The following MAP1LC3B2 variants were observed in gnomAD, a reference collection of about 807,000 sequenced individuals.
MAP1LC3B2 encodes the protein microtubule-associated protein 1 light chain 3 beta 2.
For missense variants in MAP1LC3B2, 155 were observed against 154.6 expected (o/e 1.00, Z -0.01); for synonymous variants, 62 against 57.8 (o/e 1.07, Z -0.33).
intron 1 of MAP1LC3B2, among the ~76,000 whole-genome samples, chr12:116,561,294 G>C (rs1220299308): frequency 6.6e-6 from 1 of 151,728 alleles, no homozygotes; most frequent in Admixed American, 6.6e-5. Flanking sequence ...AAAAAAAAGT[G>C]TGGCAGAGGT....
At chr12:116,572,366 G>GTCCTTT (rs1869558284) in intron 1 of MAP1LC3B2, among the ~76,000 whole-genome samples, 1 of 83,274 alleles carries the variant, frequency 1.2e-5, no homozygotes, top group Non-Finnish European at 2.3e-5. Context: ...GCATGCCTCA[G>GTCCTTT]TTCTTTTTTT....
intron 1 of MAP1LC3B2, among the ~76,000 whole-genome samples, chr12:116,573,360 G>T (rs1233754283): frequency 6.6e-6 from 1 of 152,042 alleles, no homozygotes; most frequent in African/African-American, 2.4e-5. Flanking sequence ...TTCTGATAAG[G>T]CAAACGATCT....
chr12:116,561,747 CTCTGTCTCCTCA>C (rs935960168), intron 1 of MAP1LC3B2, among the ~76,000 whole-genome samples: 1 of 152,224 alleles, frequency 6.6e-6, no homozygotes, highest in African/African-American at 2.4e-5. Flanking sequence ...CTCCCTGGGC[CTCTGTCTCCTCA>C]TCTGTCCAAT....
chr12:116,572,422 C>A (rs750068616), intron 1 of MAP1LC3B2, among the ~76,000 whole-genome samples: 1 of 148,068 alleles, frequency 6.8e-6, no homozygotes, highest in Admixed American at 6.8e-5. Flanking sequence ...TGGAGTGCGG[C>A]GGCGTGATCT....
At chr12:116,566,459 T>A (rs997825785) in intron 1 of MAP1LC3B2, among the ~76,000 whole-genome samples, 1 of 152,144 alleles carries the variant, frequency 6.6e-6, no homozygotes, top group Admixed American at 6.5e-5. Flanking sequence ...CCACTCTGCC[T>A]AGAGGCTAAT....
At position 116,576,170 on chromosome 12, in the gene MAP1LC3B2, T is replaced by A; in HGVS notation, c.228T>A (p.Asn76Lys). The A allele has an allele frequency of 6.2e-7, 1 of 1,614,140 alleles. No homozygotes were observed. The highest frequency in any genetic ancestry group is 8.5e-7 in the Non-Finnish European group (1 of 1,180,016). Residue 76 changes from asparagine (N) to lysine (K), a missense_variant, in exon 2 of 2, where the codon AAT becomes AAA. Physicochemically the swap from Asn to Lys is moderately conservative, Grantham distance 94. Transcript: ENST00000556529. ...GAAGGCGCTTACAGCTCAATGCTAA[T>A]CAGGCCTTCTTCCTGTTGGTGAACG... Reference protein sequence around the residue: ...IIRRRLQLNANQAFFLLVNGH... With the variant: ...IIRRRLQLNAKQAFFLLVNGH...
At chr12:116,571,683 G>A (rs1172139213) in intron 1 of MAP1LC3B2, among the ~76,000 whole-genome samples, 9 of 151,166 alleles carry the variant, frequency 6.0e-5, no homozygotes, top group Non-Finnish European at 1.2e-4. Flanking sequence ...GGATTTCACC[G>A]TGTTAGCCAG....
intron 1 of MAP1LC3B2, among the ~76,000 whole-genome samples, chr12:116,564,225 T>G (rs190434902): frequency 6.6e-6 from 1 of 152,342 alleles, no homozygotes; most frequent in East Asian, 1.9e-4. Context: ...TTATATTGAC[T>G]GGTATTTTTC....
chr12:116,565,940 A>G (rs1256984094), intron 1 of MAP1LC3B2, among the ~76,000 whole-genome samples: 1 of 151,866 alleles, frequency 6.6e-6, no homozygotes. Context: ...CAGAGCCGTG[A>G]GGTTTCTTTT....
At chr12:116,563,388 C>G (rs2893685) in intron 1 of MAP1LC3B2, among the ~76,000 whole-genome samples, 20,160 of 152,122 alleles carry the variant, frequency 0.13, 2,567 homozygotes, top group Admixed American at 0.29. Context: ...TTTTGGTTGA[C>G]AGTTTTGTTT....
In MAP1LC3B2 at chr12:116,570,668, T is replaced by C. The variant is rs140407285; in HGVS notation, c.-101-5174T>C. On this transcript the variant is annotated intron_variant, in intron 1 of 1. Coordinates refer to ENST00000556529, the MANE Select transcript of MAP1LC3B2 (RefSeq NM_001085481.3). The stretch of plus-strand genomic sequence containing the variant: ...CCTGCTGCCATGTAAGATGTGCCTT[T>C]TGCCTTCCACCATGATTGTGAGGCC... Among the ~76,000 whole-genome samples the C allele has an allele frequency of 2.6e-5, 4 of 152,340 alleles. No homozygotes were observed. In the East Asian group the frequency reaches 7.7e-4, roughly 29 times the overall value.
At chr12:116,561,194 G>C (rs1227929680) in intron 1 of MAP1LC3B2, among the ~76,000 whole-genome samples, 2 of 152,042 alleles carry the variant, frequency 1.3e-5, no homozygotes, top group Non-Finnish European at 2.9e-5. Flanking sequence ...AGGATCTCTT[G>C]AGCCCAGAAG....
intron 1 of MAP1LC3B2, among the ~76,000 whole-genome samples, chr12:116,575,134 G>A (rs1869637125): frequency 6.6e-6 from 1 of 150,678 alleles, no homozygotes; most frequent in African/African-American, 2.4e-5. Flanking sequence ...GAGCCAAGAT[G>A]GTGCCATTGC....
In MAP1LC3B2 at chr12:116,575,951, G is replaced by A. The variant is rs147123589; in HGVS notation, c.9G>A (p.Ser3=). ...GCCCAGATCCCCACACCATGCCGTC[G>A]GAGAAGACCTTCAAGCAGCGGCGCA... The part of the protein sequence containing the change: MP[S]EKTFKQRRTF... Residue 3 remains serine (S), a synonymous_variant, in exon 2 of 2, where the codon TCG becomes TCA. Transcript: ENST00000556529. The A allele has an allele frequency of 0.013, 21,164 of 1,614,158 alleles. 175 individuals are homozygous for A. Among genetic ancestry groups the A allele is most frequent in the Middle Eastern group, 0.019 (115 of 6,062 alleles).
In MAP1LC3B2 at chr12:116,576,200, C is replaced by T. The variant is rs891161303; in HGVS notation, c.258C>T (p.His86=). Residue 86 remains histidine (H), a synonymous_variant, in exon 2 of 2, where the codon CAC becomes CAT. Transcript: ENST00000556529. ...CCTTCTTCCTGTTGGTGAACGGACA[C>T]AGCATGGTCAGCGTCTCCACACCAA... ...NQAFFLLVNG[H]SMVSVSTPIS... is the part of the protein sequence containing the mutation. 1 of 1,614,092 alleles carries T rather than the reference C, an allele frequency of 6.2e-7. No homozygotes were observed. The highest frequency in any genetic ancestry group is 1.7e-5 in the Admixed American group (1 of 60,008).
chr12:116,575,180 CAA>C (rs112848522), intron 1 of MAP1LC3B2, among the ~76,000 whole-genome samples: 12 of 58,978 alleles, frequency 2.0e-4, no homozygotes, highest in African/African-American at 3.6e-4. Flanking sequence ...AACTCAGTCT[CAA>C]AAAAAAAAAA....
At chr12:116,560,598 C>T (rs570725267) in intron 1 of MAP1LC3B2, among the ~76,000 whole-genome samples, 1 of 151,750 alleles carries the variant, frequency 6.6e-6, no homozygotes, top group African/African-American at 2.4e-5. Context: ...ACACCTCCAC[C>T]AAAAAAAGAA....
chr12:116,575,370 ATTAACT>A (rs1313891551), intron 1 of MAP1LC3B2, among the ~76,000 whole-genome samples: 1 of 152,188 alleles, frequency 6.6e-6, no homozygotes, highest in African/African-American at 2.4e-5. Context: ...TGGAGCGGCT[ATTAACT>A]TTATTTTAGA....
intron 1 of MAP1LC3B2, among the ~76,000 whole-genome samples, chr12:116,560,419 G>A (rs1029269516): frequency 5.9e-4 from 90 of 151,758 alleles, no homozygotes; most frequent in African/African-American, 2.1e-3. Context: ...GCTAATTTTT[G>A]TATTTTTAGT....
Sources: gnomAD v4.1 joint callset for allele counts (sites outside exome capture counted in the v4.1 genomes callset) on GRCh38, gnomAD v4.1.1 for gene constraint, MANE v1.5 for transcripts, NCBI Gene and HGNC (gene_info 2026-07-23, HGNC 2026-07-21) for gene names.